The following CEP112 variants were observed in gnomAD, a reference collection of about 807,000 sequenced individuals.
CEP112 encodes centrosomal protein 112.
A neutral mutation model predicts 153.0 loss-of-function variants in CEP112; 127 were observed. That is an observed-to-expected ratio of 0.83 (90% confidence interval 0.72 to 0.96). The LOEUF (loss-of-function observed/expected upper bound fraction) is 0.96, where lower values mean the gene tolerates loss of function less well. Ranked by LOEUF, CEP112 falls within the 40% of genes least tolerant of loss-of-function variation. The probability of loss-of-function intolerance (pLI) is 0.00; values close to 1 mark genes in which losing one functional copy is unlikely to be tolerated. For synonymous variants in CEP112, 358 were observed against 374.4 expected, an observed-to-expected ratio of 0.96 and a Z score of 0.51; for missense variants, 1,089 against 1,101.2, an observed-to-expected ratio of 0.99 and a Z score of 0.16.
At chr17:65,668,241 A>G (rs1214786655) in intron 24 of CEP112, among the ~76,000 whole-genome samples, 2 of 152,126 alleles carry the variant, frequency 1.3e-5, no homozygotes, top group Non-Finnish European at 2.9e-5. Context: ...TCAATAAACT[A>G]TAAGTTGGTG....
chr17:65,883,660 C>T (rs1479567319), intron 20 of CEP112, among the ~76,000 whole-genome samples: 3 of 152,176 alleles, frequency 2.0e-5, no homozygotes. Flanking sequence ...AGCCACCGTG[C>T]CCAGCCAGAA....
intron 23 of CEP112, among the ~76,000 whole-genome samples, chr17:65,690,819 G>C (rs2048073757): frequency 6.6e-6 from 1 of 152,186 alleles, no homozygotes; most frequent in Admixed American, 6.5e-5. Context: ...AGTCACATCA[G>C]GTTACGTGGA....
intron 4 of CEP112, among the ~76,000 whole-genome samples, chr17:66,154,894 G>A (rs2146710787): frequency 6.6e-6 from 1 of 152,306 alleles, no homozygotes; most frequent in East Asian, 1.9e-4. Flanking sequence ...CCTTTAAGAG[G>A]TAGTTAGGCC....
At chr17:65,681,571 G>A (rs982217275) in intron 24 of CEP112, among the ~76,000 whole-genome samples, 2 of 149,910 alleles carry the variant, frequency 1.3e-5, no homozygotes, top group African/African-American at 4.9e-5. Flanking sequence ...TAGTGTCATT[G>A]TCCACTATAT....
intron 17 of CEP112, among the ~76,000 whole-genome samples, chr17:65,971,124 T>C: frequency 6.6e-6 from 1 of 152,302 alleles, no homozygotes; most frequent in African/African-American, 2.4e-5. Context: ...CTTGCGTGTA[T>C]GAGATTTATA....
intron 9 of CEP112, among the ~76,000 whole-genome samples, chr17:66,067,661 G>T (rs2067173782): frequency 6.6e-6 from 1 of 152,044 alleles, no homozygotes; most frequent in Non-Finnish European, 1.5e-5. Context: ...AGTGCATTAA[G>T]AAAATTATTA....
chr17:65,969,228 T>C (rs1055943908), intron 17 of CEP112, among the ~76,000 whole-genome samples: 1 of 152,074 alleles, frequency 6.6e-6, no homozygotes, highest in African/African-American at 2.4e-5. Context: ...ATTACAGGCA[T>C]GCAGTACCAC....
chr17:66,148,753 T>TTA (rs1311662787), intron 4 of CEP112, among the ~76,000 whole-genome samples: 2 of 152,224 alleles, frequency 1.3e-5, no homozygotes, highest in East Asian at 3.8e-4. Context: ...ACAGCTTTTG[T>TTA]GAAATCCTTA....
intron 17 of CEP112, among the ~76,000 whole-genome samples, chr17:65,964,206 G>T (rs2062327138): frequency 6.6e-6 from 1 of 152,202 alleles, no homozygotes; most frequent in Admixed American, 6.5e-5. Flanking sequence ...AAGCAAAATG[G>T]TCTTAATGTT....
intron 21 of CEP112, among the ~76,000 whole-genome samples, chr17:65,806,690 C>T (rs918899645): frequency 6.6e-6 from 1 of 152,200 alleles, no homozygotes; most frequent in African/African-American, 2.4e-5. Context: ...TCTCCTGTTC[C>T]ACCATGGATG....
intron 5 of CEP112, among the ~76,000 whole-genome samples, chr17:66,132,204 A>G (rs924767817): frequency 1.4e-5 from 2 of 138,888 alleles, no homozygotes; most frequent in Non-Finnish European, 3.1e-5. Context: ...AAAAAAAAAA[A>G]GCTAACTGGA....
chr17:66,140,647 G>C (rs2070652106), intron 4 of CEP112, among the ~76,000 whole-genome samples: 1 of 151,950 alleles, frequency 6.6e-6, no homozygotes, highest in South Asian at 2.1e-4. Flanking sequence ...GAAATCAAGA[G>C]AGCAGTCCCA....
chr17:66,170,665 A>G (rs1203057534), intron 4 of CEP112, among the ~76,000 whole-genome samples: 2 of 152,170 alleles, frequency 1.3e-5, no homozygotes, highest in Non-Finnish European at 2.9e-5. Context: ...CTGGAGGCTG[A>G]GGCAGAAGAA....
At chr17:65,921,365 C>T (rs2060721718) in intron 19 of CEP112, among the ~76,000 whole-genome samples, 1 of 151,762 alleles carries the variant, frequency 6.6e-6, no homozygotes, top group Admixed American at 6.6e-5. Context: ...GATAAACTTC[C>T]ACAGGAAAAA....
chr17:65,777,297 T>C (rs1402951339), intron 21 of CEP112, among the ~76,000 whole-genome samples: 1 of 152,206 alleles, frequency 6.6e-6, no homozygotes, highest in African/African-American at 2.4e-5. Flanking sequence ...GACCTGAATG[T>C]GAGAGAAATA....
intron 21 of CEP112, among the ~76,000 whole-genome samples, chr17:65,787,152 T>G (rs905362774): frequency 6.6e-6 from 1 of 152,208 alleles, no homozygotes; most frequent in African/African-American, 2.4e-5. Flanking sequence ...GGAAATACTT[T>G]TGACTTTTTC....
chr17:65,845,387 A>G (rs1306966168), intron 21 of CEP112, among the ~76,000 whole-genome samples: 5 of 152,258 alleles, frequency 3.3e-5, no homozygotes, highest in Admixed American at 6.5e-5. Context: ...AATGAAAACA[A>G]TATTTTCAAA....
intron 18 of CEP112, among the ~76,000 whole-genome samples, chr17:65,955,474 G>A (rs1001781510): frequency 2.0e-5 from 3 of 152,030 alleles, no homozygotes; most frequent in Non-Finnish European, 2.9e-5. Context: ...CAAATGGCAC[G>A]ATGAATAGAA....
At chr17:66,073,609 G>A (rs1026943112) in intron 8 of CEP112, among the ~76,000 whole-genome samples, 3 of 152,152 alleles carry the variant, frequency 2.0e-5, no homozygotes, top group Admixed American at 2.0e-4. Flanking sequence ...CAAATACCTG[G>A]GAATTCAGCT....
Sources: gnomAD v4.1 joint callset for allele counts (sites outside exome capture counted in the v4.1 genomes callset) on GRCh38, gnomAD v4.1.1 for gene constraint, MANE v1.5 for transcripts, NCBI Gene and HGNC (gene_info 2026-07-23, HGNC 2026-07-21) for gene names.